STYXL1: variants seen among roughly 807,000 people sequenced by gnomAD.
STYXL1 encodes serine/threonine/tyrosine-interacting-like protein 1.
A neutral mutation model predicts 36.4 loss-of-function variants in STYXL1; 32 were observed. The ratio of observed to expected loss-of-function variants is 0.88; its 90% CI spans 0.66 to 1.18. The LOEUF (loss-of-function observed/expected upper bound fraction) is 1.18. Among genes scored for constraint, STYXL1 ranks in the 50% most tolerant of loss-of-function variants. STYXL1 has a pLI of 0.00. For missense variants in STYXL1, 354 were observed against 394.1 expected, an observed-to-expected ratio of 0.90 and a Z score of 0.86; for synonymous variants, 133 against 144.1, an observed-to-expected ratio of 0.92 and a Z score of 0.55.
chr7:75,997,528 T>C (rs893345479), intron 8 of STYXL1, among the ~76,000 whole-genome samples: 2 of 152,158 alleles, frequency 1.3e-5, no homozygotes, highest in African/African-American at 2.4e-5. Context: ...AAGATAAAGT[T>C]TTTCCTCTAA....
intron 1 of STYXL1, among the ~76,000 whole-genome samples, chr7:76,031,139 T>G (rs1407922201): frequency 1.2e-4 from 17 of 140,012 alleles, no homozygotes; most frequent in African/African-American, 1.3e-4. Flanking sequence ...CCAGCCTGGG[T>G]GACAGAGCGA....
At chr7:76,018,497 T>G (rs1793667738) in intron 4 of STYXL1, among the ~76,000 whole-genome samples, 2 of 152,076 alleles carry the variant, frequency 1.3e-5, no homozygotes, top group Non-Finnish European at 2.9e-5. Context: ...TTCAAGTGAT[T>G]CTCCTACCTC....
chr7:76,018,423 C>T (rs1418458874), intron 4 of STYXL1, among the ~76,000 whole-genome samples: 2 of 151,392 alleles, frequency 1.3e-5, no homozygotes, highest in Non-Finnish European at 2.9e-5. Flanking sequence ...CCGAGTTTCA[C>T]TCTGTTGTCC....
chr7:76,017,584 G>T (rs1793528890), intron 4 of STYXL1, among the ~76,000 whole-genome samples: 1 of 151,712 alleles, frequency 6.6e-6, no homozygotes, highest in Non-Finnish European at 1.5e-5. Context: ...AGGGACAGGG[G>T]TTGAAAAACT....
chr7:76,046,410 A>C (rs1797089601), intron 1 of STYXL1, among the ~76,000 whole-genome samples: 1 of 151,486 alleles, frequency 6.6e-6, no homozygotes. Context: ...ACAATGGCAC[A>C]ATCTTGGCTC....
In STYXL1 at chr7:76,000,897, G is replaced by A. The variant is rs1554566899; in HGVS notation, c.803C>T (p.Thr268Ile). The change falls in exon 8 of 9, where the codon ACC becomes ATC. Residue 268 changes from threonine to isoleucine, a missense_variant. Thr to Ile is a moderately conservative substitution (Grantham distance 89, BLOSUM62 -1). Coordinates refer to ENST00000359697, the MANE Select transcript of STYXL1 (RefSeq NM_001317785.2). Reference sequence around the variant, plus strand: ...GGCCCGGGGAACGCATACCTGCAAGGTCTGCTCGTTACTATGCATGAGGTA... The same window carrying A: ...GGCCCGGGGAACGCATACCTGCAAGATCTGCTCGTTACTATGCATGAGGTA... ...IAYLMHSNEQ[T>I]LQRSWAYVKK... 2 of 1,613,970 alleles carry A rather than the reference G, an allele frequency of 1.2e-6. No individual in the cohort carries two copies. The highest frequency in any genetic ancestry group is 1.3e-5 in the African/African-American group (1 of 75,058).
intron 4 of STYXL1, among the ~76,000 whole-genome samples, chr7:76,016,087 C>T (rs916046258): frequency 6.6e-6 from 1 of 151,924 alleles, no homozygotes; most frequent in African/African-American, 2.4e-5. Context: ...TATATAGATA[C>T]ACATGTATCT....
chr7:75,996,448 T>C lies in STYXL1; in HGVS notation c.*20A>G, dbSNP rs1554564005. 3.7e-6 allele frequency: 6 copies of C among 1,614,136 alleles called. No individual in the cohort carries two copies. Among genetic ancestry groups the C allele is most frequent in the Non-Finnish European group, 5.1e-6 (6 of 1,179,986 alleles). On this transcript the variant is annotated 3_prime_UTR_variant, in exon 9 of 9. Transcript: ENST00000359697. ...CCCAGGTGAGGCTCTTCAGTACCCTTCGGTGGGCCTCGGAGAAGATCAGTA... is the reference window on the plus strand; with the variant it reads ...CCCAGGTGAGGCTCTTCAGTACCCTCCGGTGGGCCTCGGAGAAGATCAGTA...
At chr7:76,027,114 C>T (rs2116230697) in intron 3 of STYXL1, among the ~76,000 whole-genome samples, 1 of 151,860 alleles carries the variant, frequency 6.6e-6, no homozygotes, top group African/African-American at 2.4e-5. Context: ...TCAAAGAGAA[C>T]CTCCAAGTTC....
At chr7:76,031,772 C>T (rs1554579432) in intron 1 of STYXL1, among the ~76,000 whole-genome samples, 1 of 151,004 alleles carries the variant, frequency 6.6e-6, no homozygotes, top group Non-Finnish European at 1.5e-5. Flanking sequence ...TTGAATACAA[C>T]GTTATCTGAG....
intron 3 of STYXL1, among the ~76,000 whole-genome samples, chr7:76,025,256 C>T (rs58925536): frequency 0.12 from 16,692 of 144,370 alleles, 1,794 homozygotes; most frequent in African/African-American, 0.29. Flanking sequence ...GCCAAGAGTG[C>T]GCCACTGCAC....
At position 76,042,150 on chromosome 7, in the gene STYXL1, G is replaced by C. The variant is rs574787951; in HGVS notation, c.-5+5512C>G. ...GGTCTGGGCTGTAGAAAACTATGTG[G>C]ACTTGGGCACACAGCAAGTACACAT... is the stretch of plus-strand genomic sequence containing the variant. On this transcript the variant is annotated intron_variant, in intron 1 of 8. Coordinates refer to ENST00000359697, the MANE Select transcript of STYXL1 (RefSeq NM_001317785.2). Among the ~76,000 whole-genome samples the C allele has an allele frequency of 1.8e-4, 27 of 152,214 alleles. No individual in the cohort carries two copies. The South Asian group carries it at 5.4e-3, about 30-fold the overall frequency.
rs1790839168 is a variant in STYXL1 at position 76,000,967 on chromosome 7, A to C, written c.733T>G (p.Phe245Val). 2 of 1,614,124 alleles carry C rather than the reference A, an allele frequency of 1.2e-6. No homozygotes were observed. The highest frequency in any genetic ancestry group is 1.7e-6 in the Non-Finnish European group (2 of 1,179,986). Residue 245 changes from phenylalanine (F) to valine (V), a missense_variant, in exon 8 of 9, where the codon TTT becomes GTT. Coordinates refer to ENST00000359697, the MANE Select transcript of STYXL1 (RefSeq NM_001317785.2). Reference protein sequence around the residue: ...HHHLGSVILIFSTQGISRSCA... With the variant: ...HHHLGSVILIVSTQGISRSCA... ...CTGCGGCTGATACCTTGGGTGGAAA[A>C]GATCAGAATGACAGAGCCAAGGTGA...
intron 5 of STYXL1, among the ~76,000 whole-genome samples, chr7:76,005,639 T>G (rs1365223900): frequency 4.6e-5 from 7 of 152,116 alleles, no homozygotes; most frequent in East Asian, 1.9e-4. Flanking sequence ...GTCTCAGCAC[T>G]GGTGTCCATT....
chr7:76,021,492 A>G (rs1212001716), intron 4 of STYXL1, among the ~76,000 whole-genome samples: 1 of 152,136 alleles, frequency 6.6e-6, no homozygotes, highest in Non-Finnish European at 1.5e-5. Flanking sequence ...AACCACTGAC[A>G]TCAGCTGGTC....
At chr7:76,040,626 CAGG>C (rs1365202065) in intron 1 of STYXL1, among the ~76,000 whole-genome samples, 2 of 152,098 alleles carry the variant, frequency 1.3e-5, no homozygotes, top group Non-Finnish European at 2.9e-5. Context: ...TTTGTGAAGT[CAGG>C]AGTTCAAGAC....
In STYXL1 at chr7:76,013,741, C is replaced by T. The variant is rs1554572946; in HGVS notation, c.453+1G>A. 2 of 1,613,864 alleles carry T rather than the reference C, an allele frequency of 1.2e-6. No individual in the cohort carries two copies. On this transcript the variant is annotated splice_donor_variant, in intron 5 of 8. Coordinates refer to ENST00000359697, the MANE Select transcript of STYXL1 (RefSeq NM_001317785.2). LOFTEE classifies it high-confidence loss of function. Reference sequence around the variant, plus strand: ...TGCCTGTGCTCAGCATTTGGCCCTACCTGAGGCATCCAGATGATCTTCTGG... The same window carrying T: ...TGCCTGTGCTCAGCATTTGGCCCTATCTGAGGCATCCAGATGATCTTCTGG...
intron 5 of STYXL1, among the ~76,000 whole-genome samples, chr7:76,005,812 AAG>A (rs1563467481): frequency 6.9e-6 from 1 of 144,786 alleles, no homozygotes; most frequent in African/African-American, 2.5e-5. Context: ...AGAGAGAGAG[AAG>A]GAGGAGGAGG....
At chr7:76,044,069 A>C (rs933739889) in intron 1 of STYXL1, 7 of 152,334 alleles carry the variant, frequency 4.6e-5, no homozygotes, top group African/African-American at 1.7e-4. Flanking sequence ...TGCCTACCAC[A>C]CAGTGCTTCA....
Sources: gnomAD v4.1 joint callset for allele counts (sites outside exome capture counted in the v4.1 genomes callset) on GRCh38, gnomAD v4.1.1 for gene constraint, MANE v1.5 for transcripts, NCBI Gene and HGNC (gene_info 2026-07-23, HGNC 2026-07-21) for gene names.